The following DCDC1 variants were observed in gnomAD, a reference collection of about 807,000 sequenced individuals.
The protein encoded by DCDC1 is doublecortin domain containing 1.
DCDC1 carries 200 observed loss-of-function variants against 178.3 expected under a neutral mutation model. That is an observed-to-expected ratio of 1.12 (90% confidence interval 1.00 to 1.26). The LOEUF (loss-of-function observed/expected upper bound fraction) is 1.26, where lower values mean the gene tolerates loss of function less well. Among genes scored for constraint, DCDC1 ranks in the 50% most tolerant of loss-of-function variants. The pLI is 0.00. For synonymous variants in DCDC1, 690 were observed against 604.8 expected, an observed-to-expected ratio of 1.14 and a Z score of -2.07; for missense variants, 1,983 against 1,749.2, an observed-to-expected ratio of 1.13 and a Z score of -2.38.
chr11:31,232,726 A>C (rs1003131983), intron 9 of DCDC1, among the ~76,000 whole-genome samples: 1 of 152,146 alleles, frequency 6.6e-6, no homozygotes, highest in Non-Finnish European at 1.5e-5. Context: ...GGTGTTAATT[A>C]CTTTATAATA....
rs964671931 is a variant in DCDC1 at position 31,333,283 on chromosome 11, C to G, written c.-7+2164G>C. 9.2e-5 allele frequency among the ~76,000 whole-genome samples: 14 copies of G among 152,178 alleles called. 1 individual carries two copies. Among genetic ancestry groups the G allele is most frequent in the African/African-American group, 2.7e-4 (11 of 41,440 alleles). ...TTTTGAGCCTATGTGTGTCTCTCCA[C>G]ATGAGATGGGTCTCCTGAATACAGC... On this transcript the variant is annotated intron_variant, in intron 2 of 38. Coordinates refer to ENST00000684477, the MANE Select transcript of DCDC1 (RefSeq NM_001387274.1).
chr11:31,146,238 AT>A (rs371843331), intron 9 of DCDC1, among the ~76,000 whole-genome samples: 24 of 150,992 alleles, frequency 1.6e-4, no homozygotes, highest in African/African-American at 5.1e-4. Context: ...TGCCTGGCTA[AT>A]TTTTTTTTGT....
chr11:31,107,666 C>A (rs1269610801), intron 12 of DCDC1, among the ~76,000 whole-genome samples: 1 of 152,194 alleles, frequency 6.6e-6, no homozygotes, highest in African/African-American at 2.4e-5. Context: ...TAATTTAGGG[C>A]ATATTTCAAA....
At chr11:30,881,415 G>T in intron 36 of DCDC1, 107 bp from the exon 37 acceptor site, 1 of 1,364,090 alleles carries the variant, frequency 7.3e-7, no homozygotes, top group Non-Finnish European at 1.0e-6. Flanking sequence ...TTGATTATTT[G>T]CCCACTGATA....
intron 1 of DCDC1, among the ~76,000 whole-genome samples, chr11:31,353,951 G>A (rs1238523275): frequency 6.6e-6 from 1 of 152,008 alleles, no homozygotes. Context: ...TTTCTTGAAG[G>A]GATAGTTAGT....
At chr11:31,334,938 T>C (rs1199037852) in intron 2 of DCDC1, among the ~76,000 whole-genome samples, 1 of 152,164 alleles carries the variant, frequency 6.6e-6, no homozygotes, top group African/African-American at 2.4e-5. Context: ...TCTTCAGAGC[T>C]GTCAGACGGG....
At chr11:30,875,405 C>A (rs1362647019) in intron 38 of DCDC1, among the ~76,000 whole-genome samples, 1 of 152,120 alleles carries the variant, frequency 6.6e-6, no homozygotes, top group African/African-American at 2.4e-5. Context: ...TGAGAGTCAC[C>A]ACTGAGTCTA....
In DCDC1 at chr11:31,050,435, C is replaced by A. The variant is rs772411513; in HGVS notation, c.2591+14034G>T. On this transcript the variant is annotated intron_variant, in intron 20 of 38. Transcript: ENST00000684477. ...CCCTATCAACCCTGATAGTGGAAGA[C>A]AAAGGGCATTTAATCTTGGAAGTTC... Among the ~76,000 whole-genome samples, 113 of 152,284 alleles carry A rather than the reference C, an allele frequency of 7.4e-4. 1 individual carries two copies. Among genetic ancestry groups the A allele is most frequent in the Middle Eastern group, 3.4e-3 (1 of 294 alleles).
chr11:30,890,314 C>T (rs2134038442), intron 36 of DCDC1, among the ~76,000 whole-genome samples: 1 of 152,318 alleles, frequency 6.6e-6, no homozygotes, highest in Middle Eastern at 3.4e-3. Context: ...TTTCTCTGTC[C>T]ATGGGGCACC....
At chr11:31,267,283 C>T (rs1205825039) in intron 7 of DCDC1, among the ~76,000 whole-genome samples, 3 of 152,076 alleles carry the variant, frequency 2.0e-5, no homozygotes, top group Non-Finnish European at 2.9e-5. Context: ...CTCCGTCTCC[C>T]GGGTTCAAGT....
chr11:30,916,764 A>C lies in DCDC1; in HGVS notation c.3452+106T>G, dbSNP rs1945868023. ...AGACAAAAATGTGCATGTTGATAGA[A>C]ACAGCAGCTAACAGCAGTGAAAACT... On this transcript the variant is annotated intron_variant, in intron 26 of 38. Coordinates refer to ENST00000684477, the MANE Select transcript of DCDC1 (RefSeq NM_001387274.1). 3.3e-6 allele frequency: 4 copies of C among 1,213,308 alleles called. No individual in the cohort carries two copies. In the Admixed American group the frequency reaches 1.4e-4, roughly 43 times the overall value. 75.2% of individuals were successfully genotyped at this position (1,213,308 alleles called of 1,614,324 possible).
In DCDC1 at chr11:31,000,551, C is replaced by A. The variant is rs939423348; in HGVS notation, c.2592-47983G>T. Among the ~76,000 whole-genome samples, 14 of 152,172 alleles carry A rather than the reference C, an allele frequency of 9.2e-5. No individual in the cohort carries two copies. The East Asian group carries it at 2.3e-3, about 25-fold the overall frequency. On this transcript the variant is annotated intron_variant, in intron 20 of 38. Transcript: ENST00000684477. ...AGATACTCACATTCCACTTAGAAAT[C>A]CTTATGGATTGCAAGTCTCTAAGTG...
At chr11:30,871,277 A>C (rs1448938) in intron 38 of DCDC1, among the ~76,000 whole-genome samples, 1 of 151,902 alleles carries the variant, frequency 6.6e-6, no homozygotes, top group African/African-American at 2.4e-5. Context: ...AGGACCAAGC[A>C]CAGAGAAACA....
rs774692979 is a variant in DCDC1 at position 31,091,383 on chromosome 11, T to C, written c.2237+10A>G. 4.2e-6 allele frequency: 3 copies of C among 720,550 alleles called. No individual in the cohort carries two copies. Among genetic ancestry groups the C allele is most frequent in the South Asian group, 1.5e-5 (1 of 68,638 alleles). 44.6% of individuals were successfully genotyped at this position (720,550 alleles called of 1,614,324 possible). ...TTATTATCTTGAGCTAAATAATTTA[T>C]AAGCATTACCTTTTCTGTAAGATTA... On this transcript the variant is annotated intron_variant, in intron 17 of 38. Transcript: ENST00000684477.
chr11:30,981,205 G>A (rs1218340002), intron 20 of DCDC1, among the ~76,000 whole-genome samples: 3 of 151,944 alleles, frequency 2.0e-5, no homozygotes, highest in Non-Finnish European at 4.4e-5. Context: ...AGGGTGGAAA[G>A]AGAGCGAGGG....
intron 38 of DCDC1, among the ~76,000 whole-genome samples, chr11:30,866,457 A>G (rs1407030302): frequency 2.0e-5 from 3 of 152,084 alleles, no homozygotes; most frequent in Non-Finnish European, 4.4e-5. Context: ...TAAGGGCACT[A>G]ATTCCATTCA....
chr11:31,152,566 C>T (rs1322856718), intron 9 of DCDC1, among the ~76,000 whole-genome samples: 1 of 152,226 alleles, frequency 6.6e-6, no homozygotes, highest in African/African-American at 2.4e-5. Context: ...CCTCTAATCT[C>T]TTTGGGTCGC....
intron 1 of DCDC1, among the ~76,000 whole-genome samples, chr11:31,358,785 G>C (rs1951540151): frequency 1.3e-5 from 2 of 152,134 alleles, no homozygotes; most frequent in African/African-American, 4.8e-5. Flanking sequence ...GATATGAACA[G>C]ACACTTCTCA....
chr11:31,268,143 A>C (rs528722405), intron 7 of DCDC1, among the ~76,000 whole-genome samples: 1 of 152,278 alleles, frequency 6.6e-6, no homozygotes, highest in East Asian at 1.9e-4. Context: ...TTATGAAGTT[A>C]TTACTGTATT....
Sources: gnomAD v4.1 joint callset for allele counts (sites outside exome capture counted in the v4.1 genomes callset) on GRCh38, gnomAD v4.1.1 for gene constraint, MANE v1.5 for transcripts, NCBI Gene and HGNC (gene_info 2026-07-23, HGNC 2026-07-21) for gene names.